Variants in COL17A1 observed in about 807,000 individuals in gnomAD.
COL17A1 encodes collagen alpha-1(XVII) chain.
Under a neutral mutation model 218.4 loss-of-function variants are expected in COL17A1, and 181 were observed. The observed-to-expected ratio is 0.83, with a 90% CI of 0.73 to 0.94. The LOEUF (loss-of-function observed/expected upper bound fraction) is 0.94, where lower values mean the gene tolerates loss of function less well. Ranked by LOEUF, COL17A1 falls within the 40% of genes least tolerant of loss-of-function variation. The probability of loss-of-function intolerance (pLI) is 0.00; values close to 1 mark genes in which losing one functional copy is unlikely to be tolerated. For missense variants in COL17A1, 1,924 were observed against 1,945.9 expected (o/e 0.99, Z 0.21); for synonymous variants, 721 against 731.0 (o/e 0.99, Z 0.22).
chr10:104,042,037 CCAGATGT>C (rs1239224588), intron 36 of COL17A1, among the ~76,000 whole-genome samples: 2 of 152,202 alleles, frequency 1.3e-5, no homozygotes, highest in African/African-American at 2.4e-5. Flanking sequence ...GTTCTGCACT[CCAGATGT>C]CCAGGTGGGA....
chr10:104,074,014 A>T, intron 6 of COL17A1, 170 bp downstream of exon 6: 1 of 974,890 alleles, frequency 1.0e-6, no homozygotes, highest in Non-Finnish European at 1.6e-6. Flanking sequence ...TAGTCCCCTT[A>T]ATATGCTTCA....
chr10:104,032,647 G>A (rs373354116), intron 55 of COL17A1, 27 bp downstream of exon 55: 4 of 1,606,244 alleles, frequency 2.5e-6, no homozygotes, highest in Non-Finnish European at 2.6e-6. Flanking sequence ...TCCAGAACAT[G>A]CAAAACGTGG....
chr10:104,038,842 G>A (rs1158826002), intron 44 of COL17A1, among the ~76,000 whole-genome samples: 1 of 152,096 alleles, frequency 6.6e-6, no homozygotes, highest in African/African-American at 2.4e-5. Flanking sequence ...TCTCCATCAT[G>A]CGGTGTCTGC....
At position 104,052,182 on chromosome 10, in the gene COL17A1, C is replaced by A. The variant is rs1281129374; in HGVS notation, c.1975G>T (p.Gly659Cys). 2 of 1,614,156 alleles carry A rather than the reference C, an allele frequency of 1.2e-6. No homozygotes were observed. The highest frequency in any genetic ancestry group is 8.5e-7 in the Non-Finnish European group (1 of 1,180,014). ...AGEPGPHGPP[G>C]VPGSVGPKGS... ...TTGGGACCCACAGAACCTGGGACAC[C>A]AGGTGGGCCATGAGGACCTGGTTCA... The change falls in exon 24 of 56, where the codon GGT becomes TGT. Residue 659 changes from glycine to cysteine, a missense_variant. Transcript: ENST00000648076.
At chr10:104,079,672 A>G (rs1214774405) in intron 2 of COL17A1, among the ~76,000 whole-genome samples, 1 of 152,232 alleles carries the variant, frequency 6.6e-6, no homozygotes, top group East Asian at 1.9e-4. Flanking sequence ...TCACGCCTGT[A>G]ATCCCAACAC....
chr10:104,031,889 T>TAA lies in COL17A1; in HGVS notation c.*344_*345dup, dbSNP rs888117748. The TAA allele has an allele frequency of 4.7e-5, 18 of 385,132 alleles. No individual in the cohort carries two copies. Among genetic ancestry groups the TAA allele is most frequent in the African/African-American group, 3.7e-4 (18 of 48,920 alleles). The allele number at this position is 385,132 out of a possible 1,614,324, so 23.9% of individuals were successfully genotyped here. A position where few individuals can be genotyped will look rare whatever the true frequency, so the allele number is the denominator to read the frequency against. On this transcript the variant is annotated 3_prime_UTR_variant, in exon 56 of 56. Transcript: ENST00000648076. ...CTGGGCTCATATTTAGGTAAAGCTCTAAGACTCCTGAGCCAACTTTTATGT... is the reference window on the plus strand; with the variant it reads ...CTGGGCTCATATTTAGGTAAAGCTCTAAAAGACTCCTGAGCCAACTTTTATGT...
chr10:104,043,744 T>A, intron 34 of COL17A1, 81 bp downstream of exon 34: 11 of 1,577,770 alleles, frequency 7.0e-6, no homozygotes, highest in Non-Finnish European at 8.7e-6. Context: ...AGCCACATCC[T>A]GCCCAGAACG....
At chr10:104,063,469 C>A (rs2086600063) in intron 11 of COL17A1, 1 of 482,126 alleles carries the variant, frequency 2.1e-6, no homozygotes, top group Non-Finnish European at 3.8e-6. Flanking sequence ...CACGATGATT[C>A]CGTTAGACCC....
At chr10:104,046,666 G>A (rs368130560) in intron 32 of COL17A1, 81 bp downstream of exon 32, 30 of 1,384,210 alleles carry the variant, frequency 2.2e-5, no homozygotes, top group Non-Finnish European at 2.9e-5. Context: ...AAACTCTGGT[G>A]ACTGCAGGAA....
intron 18 of COL17A1, 87 bp downstream of exon 18, chr10:104,055,695 T>C (rs772600613): frequency 1.3e-6 from 2 of 1,548,298 alleles, no homozygotes; most frequent in Non-Finnish European, 1.8e-6. Flanking sequence ...CGGATGATGG[T>C]GCTCACAGCA....
chr10:104,035,322 C>T lies in COL17A1; in HGVS notation c.3560G>A (p.Gly1187Glu). 6 of 1,614,228 alleles carry T rather than the reference C, an allele frequency of 3.7e-6. No homozygotes were observed. Among genetic ancestry groups the T allele is most frequent in the Non-Finnish European group, 3.4e-6 (4 of 1,180,034 alleles). Residue 1187 changes from glycine (G) to glutamate (E), a missense_variant, in exon 50 of 56, where the codon GGG (glycine) becomes GAG (glutamate). Transcript: ENST00000648076. ...GCTGGACCACACATTGCCTGGGATC[C>T]CTGGTGGACCCGGGGGACCTGGGGG... Reference protein sequence around the residue: ...VGPPGPPGPPGIPGNVWSSIS... With the variant: ...VGPPGPPGPPEIPGNVWSSIS...
chr10:104,057,276 G>A (rs201406574), intron 16 of COL17A1, 104 bp from the exon 17 acceptor site: 90 of 1,582,228 alleles, frequency 5.7e-5, no homozygotes, highest in Non-Finnish European at 7.5e-5. Flanking sequence ...GACTACGACT[G>A]GGGGCTTTCA....
chr10:104,074,067 C>T (rs2086689397), intron 6 of COL17A1, 117 bp downstream of exon 6: 5 of 1,538,990 alleles, frequency 3.2e-6, no homozygotes, highest in Non-Finnish European at 4.5e-6. Flanking sequence ...GGGTCAAACT[C>T]TTTTAGAAGA....
chr10:104,061,991 C>T (rs963174438), intron 12 of COL17A1, among the ~76,000 whole-genome samples: 4 of 152,128 alleles, frequency 2.6e-5, no homozygotes, highest in Non-Finnish European at 5.9e-5. Flanking sequence ...CTGGCAAGAC[C>T]ACCAACCTAA....
At chr10:104,045,616 A>C (rs982500416) in intron 33 of COL17A1, 142 bp downstream of exon 33, 1 of 780,656 alleles carries the variant, frequency 1.3e-6, no homozygotes, top group African/African-American at 1.7e-5. Flanking sequence ...CTGGGCTCCC[A>C]GCCTCATAGC....
chr10:104,038,585 G>T (rs201370077), intron 44 of COL17A1, 57 bp from the exon 45 acceptor site: 1 of 1,599,746 alleles, frequency 6.3e-7, no homozygotes, highest in Non-Finnish European at 8.5e-7. Context: ...TCAGACAAAC[G>T]GGCCCAGGAA....
At chr10:104,046,636 G>T in intron 32 of COL17A1, 111 bp downstream of exon 32, 1 of 1,012,194 alleles carries the variant, frequency 9.9e-7, no homozygotes, top group South Asian at 1.3e-5. Flanking sequence ...GTGTGTGCCA[G>T]GGAGTTGGTG....
chr10:104,037,668 T>C lies in COL17A1; in HGVS notation c.3176A>G (p.Glu1059Gly). 3 of 1,614,162 alleles carry C rather than the reference T, an allele frequency of 1.9e-6. No homozygotes were observed. Among genetic ancestry groups the C allele is most frequent in the Non-Finnish European group, 2.5e-6 (3 of 1,180,024 alleles). ...TITGETFDYS[E>G]LASHVVSYLR... is the part of the protein sequence containing the mutation. ...GTAGCTCACAACGTGGCTTGCCAGC[T>C]CTGAGTAGTCGAAAGTCTCGCCTGT... Residue 1059 changes from glutamate to glycine, a missense_variant, in exon 46 of 56, where the codon GAG becomes GGG. By Grantham distance (98) the Glu-to-Gly change is moderately conservative. Transcript: ENST00000648076.
At chr10:104,060,094 C>T (rs1162668994) in intron 14 of COL17A1, 25 bp downstream of exon 14, 1 of 1,613,602 alleles carries the variant, frequency 6.2e-7, no homozygotes, top group Non-Finnish European at 8.5e-7. Context: ...CTTCTGAAAC[C>T]CAAGCCACAC....
Sources: allele counts gnomAD v4.1 joint callset (sites outside exome capture counted in the v4.1 genomes callset), GRCh38; gene constraint gnomAD v4.1.1; transcripts MANE v1.5; gene names NCBI Gene and HGNC (gene_info 2026-07-23, HGNC 2026-07-21).